The following DAP3 variants were observed in gnomAD, a reference collection of about 807,000 sequenced individuals.
DAP3 encodes death associated protein 3.
A neutral mutation model predicts 51.9 loss-of-function variants in DAP3; 28 were observed. The ratio of observed to expected loss-of-function variants is 0.54; its 90% CI spans 0.40 to 0.74. The LOEUF (loss-of-function observed/expected upper bound fraction) is 0.74, where lower values mean the gene tolerates loss of function less well. Ranked by LOEUF, DAP3 falls within the 30% of genes least tolerant of loss-of-function variation. The pLI, the probability that DAP3 is intolerant of heterozygous loss-of-function variation, is 0.00. For missense variants in DAP3, 458 were observed against 483.5 expected (o/e 0.95, Z 0.49); for synonymous variants, 170 against 170.3 (o/e 1.00, Z 0.01).
chr1:155,727,592 C>T lies in DAP3; in HGVS notation c.473-16C>T. On this transcript the variant is annotated splice_polypyrimidine_tract_variant and intron_variant, in intron 6 of 12. Coordinates refer to ENST00000368336, the MANE Select transcript of DAP3 (RefSeq NM_004632.4). Reference sequence around the variant, plus strand: ...TTTCTGCCTGGCTTGTTTTCTTCTGCCTCTTTTTTTTAAAGCTCATCTTTG... The same window carrying T: ...TTTCTGCCTGGCTTGTTTTCTTCTGTCTCTTTTTTTTAAAGCTCATCTTTG... 1 of 1,607,338 alleles carries T rather than the reference C, an allele frequency of 6.2e-7. No individual in the cohort carries two copies. The highest frequency in any genetic ancestry group is 8.5e-7 in the Non-Finnish European group (1 of 1,177,042).
chr1:155,710,595 T>C (rs1656575464), intron 2 of DAP3: 1 of 152,166 alleles, frequency 6.6e-6, no homozygotes, highest in South Asian at 2.1e-4. Context: ...ATAATAGTTA[T>C]TATTTGTTGG....
intron 2 of DAP3, among the ~76,000 whole-genome samples, chr1:155,711,671 T>G (rs568603327): frequency 6.6e-6 from 1 of 151,328 alleles, no homozygotes; most frequent in Admixed American, 6.6e-5. Flanking sequence ...GAAGTATATA[T>G]GAAGGAGAGT....
intron 3 of DAP3, 36 bp downstream of exon 3, chr1:155,717,164 C>G (rs1330705006): frequency 6.3e-7 from 1 of 1,596,290 alleles, no homozygotes; most frequent in African/African-American, 1.3e-5. Context: ...TTTCTCAGGG[C>G]TTATGATTTG....
intron 1 of DAP3, among the ~76,000 whole-genome samples, chr1:155,701,908 G>A (rs551011421): frequency 5.3e-5 from 8 of 150,554 alleles, no homozygotes; most frequent in Admixed American, 2.6e-4. Flanking sequence ...AGCAGGTTTC[G>A]TAGTGCTTTT....
chr1:155,726,072 T>G (rs1345914943), intron 6 of DAP3, 53 bp downstream of exon 6: 1 of 1,418,250 alleles, frequency 7.1e-7, no homozygotes, highest in African/African-American at 1.4e-5. Context: ...ATCCTGTTAC[T>G]GTGGTAGCCT....
At chr1:155,688,458 C>A, upstream of DAP3, 1 of 1,549,416 alleles carries the variant, frequency 6.5e-7, no homozygotes, top group Non-Finnish European at 8.7e-7. Flanking sequence ...CGCCCGACTC[C>A]GGCCATGTAG....
chr1:155,729,286 A>G lies in DAP3; in HGVS notation c.763A>G (p.Met255Val), dbSNP rs1658952166. ...KELKRQSSLG[M>V]FHLLVAVDGI... ...GCTAAAGAGGCAAAGTTCTTTGGGT[A>G]TGTTTCACCTCCTAGTGGCCGTGGA... The change falls in exon 9 of 13, where the codon ATG (methionine) becomes GTG (valine). Residue 255 changes from methionine (M) to valine (V), a missense_variant. Met to Val is a conservative substitution (Grantham distance 21). Transcript: ENST00000368336. 1 of 1,614,194 alleles carries G rather than the reference A, an allele frequency of 6.2e-7. No individual in the cohort carries two copies. Among genetic ancestry groups the G allele is most frequent in the Non-Finnish European group, 8.5e-7 (1 of 1,180,036 alleles).
At chr1:155,730,116 ATATT>A (rs1659052902) in intron 9 of DAP3, among the ~76,000 whole-genome samples, 2 of 136,426 alleles carry the variant, frequency 1.5e-5, no homozygotes, top group African/African-American at 3.4e-5. Flanking sequence ...ATATTCATAT[ATATT>A]TATATATACA....
chr1:155,700,138 T>C, intron 1 of DAP3, among the ~76,000 whole-genome samples: 1 of 152,212 alleles, frequency 6.6e-6, no homozygotes, highest in Non-Finnish European at 1.5e-5. Context: ...GGTTTCACCA[T>C]GTTGGCCAGG....
At chr1:155,695,794 G>A (rs2149110700) in intron 1 of DAP3, among the ~76,000 whole-genome samples, 1 of 152,254 alleles carries the variant, frequency 6.6e-6, no homozygotes, top group East Asian at 1.9e-4. Flanking sequence ...AGTTAGTGTG[G>A]ATAACTTTAC....
chr1:155,711,161 T>C (rs1656646632), intron 2 of DAP3, among the ~76,000 whole-genome samples: 1 of 152,070 alleles, frequency 6.6e-6, no homozygotes, highest in Non-Finnish European at 1.5e-5. Flanking sequence ...GAGGGATGGA[T>C]TCTGGACTCA....
At chr1:155,729,523 T>C (rs1658976464) in intron 9 of DAP3, among the ~76,000 whole-genome samples, 157 bp downstream of exon 9, 1 of 152,218 alleles carries the variant, frequency 6.6e-6, no homozygotes, top group South Asian at 2.1e-4. Flanking sequence ...CTCACGCCTG[T>C]AATCCCATTG....
intron 7 of DAP3, 40 bp from the exon 8 acceptor site, chr1:155,729,002 A>G (rs747183061): frequency 6.2e-7 from 1 of 1,605,166 alleles, no homozygotes; most frequent in South Asian, 1.1e-5. Flanking sequence ...TAGGCCAAGT[A>G]GCCTTTTTTT....
At chr1:155,734,939 A>G (rs1659602670) in intron 11 of DAP3, among the ~76,000 whole-genome samples, 1 of 152,108 alleles carries the variant, frequency 6.6e-6, no homozygotes, top group African/African-American at 2.4e-5. Context: ...TATTAGCTCA[A>G]TACTAGAATA....
chr1:155,688,793 T>A, upstream of DAP3: 1 of 1,536,578 alleles, frequency 6.5e-7, no homozygotes, highest in South Asian at 1.2e-5. Flanking sequence ...CGCGTGCGCC[T>A]CCCACAGTCC....
chr1:155,712,803 C>T (rs1656884267), intron 2 of DAP3, among the ~76,000 whole-genome samples: 1 of 151,968 alleles, frequency 6.6e-6, no homozygotes, highest in Non-Finnish European at 1.5e-5. Flanking sequence ...AAAATGTCAT[C>T]ACATTACTGT....
upstream of DAP3, chr1:155,688,557 C>T: frequency 6.5e-7 from 1 of 1,538,694 alleles, no homozygotes; most frequent in Non-Finnish European, 8.7e-7. Flanking sequence ...TCCTGCGAGC[C>T]AGCCATCCCG....
intron 3 of DAP3, among the ~76,000 whole-genome samples, chr1:155,721,287 G>A (rs945223111): frequency 6.7e-6 from 1 of 148,720 alleles, no homozygotes; most frequent in Non-Finnish European, 1.5e-5. Context: ...AGCTAAGATC[G>A]CACCATTGCA....
chr1:155,734,797 T>A (rs1212151551), intron 11 of DAP3, among the ~76,000 whole-genome samples: 1 of 152,176 alleles, frequency 6.6e-6, no homozygotes, highest in Non-Finnish European at 1.5e-5. Context: ...CTAATCATAT[T>A]AAAAAACTAT....
Sources: allele counts gnomAD v4.1 joint callset (sites outside exome capture counted in the v4.1 genomes callset), GRCh38; gene constraint gnomAD v4.1.1; transcripts MANE v1.5; gene names NCBI Gene and HGNC (gene_info 2026-07-23, HGNC 2026-07-21).